The following SPG7 variants were observed in gnomAD, a reference collection of about 807,000 sequenced individuals.
SPG7 encodes SPG7 matrix AAA peptidase subunit, paraplegin, also known as mitochondrial inner membrane m-AAA protease component paraplegin.
In SPG7, 103 loss-of-function variants were observed where a neutral mutation model predicts 81.9. That is an observed-to-expected ratio of 1.26 (90% CI 1.07 to 1.48). The LOEUF (loss-of-function observed/expected upper bound fraction) is 1.48, where lower values mean the gene tolerates loss of function less well. Among genes scored for constraint, SPG7 ranks in the 40% most tolerant of loss-of-function variants. The pLI is 0.00. For synonymous variants in SPG7, 534 were observed against 444.2 expected, an observed-to-expected ratio of 1.20 and a Z score of -2.54; for missense variants, 1,241 against 1,087.3, an observed-to-expected ratio of 1.14 and a Z score of -1.99.
chr16:89,549,507 TAA>T (rs905298803), intron 12 of SPG7: 1 of 338,142 alleles, frequency 3.0e-6, no homozygotes, highest in African/African-American at 2.2e-5. Flanking sequence ...AAGAAAAGAA[TAA>T]AGAGTATTAG....
chr16:89,539,243 A>G (rs1262871623), intron 9 of SPG7: 1 of 152,180 alleles, frequency 6.6e-6, no homozygotes, highest in African/African-American at 2.4e-5. Flanking sequence ...TTTACTGTGA[A>G]GTCTAAGAAC....
rs367918702 is a variant in SPG7 at position 89,544,638 on chromosome 16, G to T, written c.1325-10G>T. 3.7e-6 allele frequency: 6 copies of T among 1,613,792 alleles called. No individual in the cohort carries two copies. The African/African-American group carries it at 6.7e-5, about 18-fold the overall frequency. On this transcript the variant is annotated splice_polypyrimidine_tract_variant and intron_variant, in intron 9 of 16. Transcript: ENST00000645818. ...TACCCTCAGAGCCACTGTCTGCTCT[G>T]TCCCCTCAGGAATGGGTACCACAGA...
At chr16:89,544,078 A>AG (rs1206865159) in intron 9 of SPG7, 9 of 180,116 alleles carry the variant, frequency 5.0e-5, no homozygotes, top group South Asian at 4.6e-4. Flanking sequence ...AGGTGTTCCC[A>AG]GCAGCTTCAT....
At chr16:89,527,944 A>G (rs1370060673) in intron 5 of SPG7, among the ~76,000 whole-genome samples, 2 of 151,962 alleles carry the variant, frequency 1.3e-5, no homozygotes, top group Non-Finnish European at 2.9e-5. Context: ...AAAAAAAAAA[A>G]AGATGCACCT....
In SPG7 at chr16:89,552,972, G is replaced by C. The variant is rs775799537; in HGVS notation, c.1780-7G>C. The stretch of plus-strand genomic sequence containing the variant: ...TACTGACCTGGGTCATCTTGACCTT[G>C]TGCCAGGTCTCCATAACCCCTCGGA... On this transcript the variant is annotated splice_region_variant and splice_polypyrimidine_tract_variant and intron_variant, in intron 13 of 16. Transcript: ENST00000645818. 7.4e-6 allele frequency: 12 copies of C among 1,613,480 alleles called. No individual in the cohort carries two copies. Among genetic ancestry groups the C allele is most frequent in the Admixed American group, 1.7e-5 (1 of 59,990 alleles).
At chr16:89,510,032 T>A (rs2057992084) in intron 1 of SPG7, among the ~76,000 whole-genome samples, 1 of 152,084 alleles carries the variant, frequency 6.6e-6, no homozygotes, top group Admixed American at 6.6e-5. Context: ...TGGAGTGCAG[T>A]GGTGCTATCT....
chr16:89,518,393 C>T (rs901355255), intron 3 of SPG7: 1 of 152,184 alleles, frequency 6.6e-6, no homozygotes, highest in Non-Finnish European at 1.5e-5. Context: ...GCACCACTCA[C>T]TGATAACACG....
chr16:89,527,908 C>G (rs907401581), intron 5 of SPG7, among the ~76,000 whole-genome samples: 15 of 151,242 alleles, frequency 9.9e-5, no homozygotes, highest in African/African-American at 3.6e-4. Flanking sequence ...CCAGTCTGGG[C>G]AGCATGGAGA....
At chr16:89,544,912 C>T (rs1378790631) in intron 10 of SPG7, 140 bp downstream of exon 10, 5 of 1,059,196 alleles carry the variant, frequency 4.7e-6, no homozygotes, top group East Asian at 2.6e-5. Flanking sequence ...CCAGCGTGGC[C>T]CCCGCATCGG....
At chr16:89,555,950 T>C in intron 16 of SPG7, 1 of 398,956 alleles carries the variant, frequency 2.5e-6, no homozygotes, top group East Asian at 3.6e-5. Flanking sequence ...AGCAGCCGCC[T>C]CTGGGCAGGT....
chr16:89,542,208 T>G (rs1408763844), intron 9 of SPG7: 2 of 152,298 alleles, frequency 1.3e-5, no homozygotes, highest in African/African-American at 4.8e-5. Flanking sequence ...TTTTCACTGT[T>G]TATACAATCT....
At chr16:89,533,447 G>A (rs181493534) in intron 9 of SPG7, 1 of 152,208 alleles carries the variant, frequency 6.6e-6, no homozygotes, top group Non-Finnish European at 1.5e-5. Context: ...GATTACAGAC[G>A]TGAGCCTTAG....
chr16:89,511,006 G>C (rs554393527), intron 2 of SPG7, among the ~76,000 whole-genome samples: 5 of 152,046 alleles, frequency 3.3e-5, no homozygotes, highest in Non-Finnish European at 7.4e-5. Flanking sequence ...CTAATTTTTG[G>C]GGGGTATTTT....
rs1180561795 is a variant in SPG7 at position 89,508,536 on chromosome 16, G to T, written c.119G>T (p.Gly40Val). The T allele has an allele frequency of 2.6e-6, 4 of 1,512,574 alleles. No individual in the cohort carries two copies. In the East Asian group the frequency reaches 1.1e-4, roughly 40 times the overall value. 93.7% of individuals were successfully genotyped at this position (1,512,574 alleles called of 1,614,324 possible). A position where few individuals can be genotyped will look rare whatever the true frequency, so the allele number is the denominator to read the frequency against. ...GGGTTCCCCGCCAGGCCCGGGAGGG[G>T]GCGGCCGTACATGGCCAGCAGGCCT... is the stretch of plus-strand genomic sequence containing the variant. The part of the protein sequence containing the change: ...SPGFPARPGR[G>V]RPYMASRPPG... Residue 40 changes from glycine (G) to valine (V), a missense_variant, in exon 1 of 17, where the codon GGG (glycine) becomes GTG (valine). Physicochemically the swap from Gly to Val is moderately radical, Grantham distance 109. Transcript: ENST00000645818.
intron 8 of SPG7, among the ~76,000 whole-genome samples, 180 bp from the exon 9 acceptor site, chr16:89,532,283 C>T (rs555862457): frequency 3.3e-5 from 5 of 152,142 alleles, no homozygotes; most frequent in African/African-American, 1.2e-4. Flanking sequence ...CAGCACGGTG[C>T]GTGTGAACCC....
rs1376280487 is a variant in SPG7 at position 89,557,501 on chromosome 16, G to A, written c.*408G>A. 2 of 270,442 alleles carry A rather than the reference G, an allele frequency of 7.4e-6. No individual in the cohort carries two copies. Among genetic ancestry groups the A allele is most frequent in the Admixed American group, 5.0e-5 (1 of 19,954 alleles). The allele number at this position is 270,442 out of a possible 1,614,324, so 16.8% of individuals were successfully genotyped here. ...TCCTGTGGCTCCCTCGGAATGCTAA[G>A]GGGATCGGACATGAAAGGACCCTGT... On this transcript the variant is annotated 3_prime_UTR_variant, in exon 17 of 17. Coordinates refer to ENST00000645818, the MANE Select transcript of SPG7 (RefSeq NM_003119.4).
At chr16:89,537,089 CT>C in intron 9 of SPG7, 7 of 1,528,736 alleles carry the variant, frequency 4.6e-6, no homozygotes, top group Non-Finnish European at 6.1e-6. Context: ...AAACAAGTCC[CT>C]TTATGCAGAG....
intron 10 of SPG7, 51 bp downstream of exon 10, chr16:89,544,823 C>T (rs762026956): frequency 5.2e-5 from 84 of 1,609,622 alleles, no homozygotes; most frequent in Non-Finnish European, 6.7e-5. Flanking sequence ...CGCCCCCACT[C>T]GCTCTGAGTG....
At chr16:89,530,891 A>G in intron 7 of SPG7, 83 bp downstream of exon 7, 1 of 1,586,114 alleles carries the variant, frequency 6.3e-7, no homozygotes, top group Non-Finnish European at 8.6e-7. Flanking sequence ...CGGGACCTGG[A>G]ATTCCATCGA....
Sources: allele counts gnomAD v4.1 joint callset (sites outside exome capture counted in the v4.1 genomes callset), GRCh38; gene constraint gnomAD v4.1.1; transcripts MANE v1.5; gene names NCBI Gene and HGNC (gene_info 2026-07-23, HGNC 2026-07-21).